Variants in AFF3 observed in about 807,000 individuals in gnomAD.
AFF3 encodes AF4/FMR2 family member 3.
AFF3 carries 32 observed loss-of-function variants against 129.7 expected under a neutral mutation model. The observed-to-expected ratio is 0.25, with a 90% CI of 0.19 to 0.33. The LOEUF (loss-of-function observed/expected upper bound fraction) is 0.33, where lower values mean the gene tolerates loss of function less well. AFF3 is among the 10% of genes least tolerant of loss of function. The pLI, the probability that AFF3 is intolerant of heterozygous loss-of-function variation, is 1.00. For missense variants in AFF3, 1,373 were observed against 1,592.0 expected (o/e 0.86, Z 2.34); for synonymous variants, 644 against 635.4 (o/e 1.01, Z -0.20).
At chr2:99,635,225 T>C (rs1370847428) in intron 13 of AFF3, among the ~76,000 whole-genome samples, 1 of 151,832 alleles carries the variant, frequency 6.6e-6, no homozygotes, top group African/African-American at 2.4e-5. Flanking sequence ...TACACATATC[T>C]ATGTATATGA....
At chr2:100,059,334 C>A (rs1687059879) in intron 4 of AFF3, among the ~76,000 whole-genome samples, 1 of 143,102 alleles carries the variant, frequency 7.0e-6, no homozygotes, top group Admixed American at 7.0e-5. Flanking sequence ...GGCAAATAAG[C>A]ACAGGAAAAG....
chr2:99,818,547 A>G (rs1443653081), intron 8 of AFF3, among the ~76,000 whole-genome samples: 1 of 152,210 alleles, frequency 6.6e-6, no homozygotes, highest in East Asian at 1.9e-4. Context: ...ATTTTAATTC[A>G]CAGTCCTTTC....
rs975049533 is a variant in AFF3 at position 99,950,405 on chromosome 2, G to A, written c.873+56227C>T. On this transcript the variant is annotated intron_variant, in intron 7 of 24. Coordinates refer to ENST00000672756, the MANE Select transcript of AFF3 (RefSeq NM_001386135.1). ...TGAATATGTGGTAGAGGTTCTAGGA[G>A]AGGAAGAATAAAAATACATGGGTTG... Among the ~76,000 whole-genome samples, 5 of 152,286 alleles carry A rather than the reference G, an allele frequency of 3.3e-5. No individual in the cohort carries two copies. The South Asian group carries it at 1.0e-3, about 32-fold the overall frequency.
chr2:100,129,722 T>A (rs935094185), intron 1 of AFF3, among the ~76,000 whole-genome samples: 1 of 152,228 alleles, frequency 6.6e-6, no homozygotes, highest in Non-Finnish European at 1.5e-5. Flanking sequence ...GCTTAGCATG[T>A]TCCCGGAACT....
At chr2:99,681,478 TG>T (rs1674520065) in intron 11 of AFF3, among the ~76,000 whole-genome samples, 1 of 152,242 alleles carries the variant, frequency 6.6e-6, no homozygotes, top group Non-Finnish European at 1.5e-5. Context: ...GAATGTTCCG[TG>T]TTCCCTCAAA....
intron 7 of AFF3, among the ~76,000 whole-genome samples, chr2:99,843,023 T>C (rs1199983264): frequency 6.6e-6 from 1 of 152,226 alleles, no homozygotes; most frequent in East Asian, 1.9e-4. Flanking sequence ...CTCAAGCATT[T>C]AGAAATTGTG....
At chr2:99,824,994 G>T (rs1051824086) in intron 8 of AFF3, among the ~76,000 whole-genome samples, 12 of 152,180 alleles carry the variant, frequency 7.9e-5, no homozygotes, top group Non-Finnish European at 1.8e-4. Flanking sequence ...AAAACAACAT[G>T]CAAATAAATA....
Position 100,083,456 on chromosome 2 carries a change from G to A in AFF3, c.53+20946C>T, listed in dbSNP as rs561329322. Among the ~76,000 whole-genome samples, 297 of 152,288 alleles carry A rather than the reference G, an allele frequency of 2.0e-3. 5 individuals are homozygous for A. The highest frequency in any genetic ancestry group is 6.9e-3 in the African/African-American group (287 of 41,550). ...CAGGCAGTCAAGAAGGGACTCCACA[G>A]TGTCTTCACAATCACCGCACTTCTG... On this transcript the variant is annotated intron_variant, in intron 4 of 24. Transcript: ENST00000672756.
At chr2:99,826,671 T>C (rs1688104470) in intron 8 of AFF3, among the ~76,000 whole-genome samples, 1 of 151,228 alleles carries the variant, frequency 6.6e-6, no homozygotes, top group East Asian at 2.0e-4. Flanking sequence ...CAGCATGGAG[T>C]GTGAGGGGCA....
chr2:99,775,271 TGCTATTA>T (rs1487699615), intron 8 of AFF3, among the ~76,000 whole-genome samples: 5 of 151,626 alleles, frequency 3.3e-5, no homozygotes, highest in African/African-American at 9.7e-5. Flanking sequence ...TCTATTGTAG[TGCTATTA>T]GCAATAGAAA....
intron 10 of AFF3, among the ~76,000 whole-genome samples, chr2:99,736,414 C>T (rs1042751299): frequency 2.6e-5 from 4 of 152,064 alleles, no homozygotes; most frequent in Non-Finnish European, 5.9e-5. Context: ...TCAGAATAAA[C>T]ATATCATGCT....
At chr2:100,008,102 T>C (rs1233069547) in intron 5 of AFF3, among the ~76,000 whole-genome samples, 1 of 152,214 alleles carries the variant, frequency 6.6e-6, no homozygotes, top group Non-Finnish European at 1.5e-5. Context: ...AGTCTTTCTA[T>C]GATTGGATTG....
chr2:99,689,295 G>T (rs2104637004), intron 11 of AFF3, among the ~76,000 whole-genome samples: 1 of 152,236 alleles, frequency 6.6e-6, no homozygotes. Context: ...GACTGCAGCT[G>T]CTGCCTGGTC....
chr2:99,615,766 C>G (rs1313388418), intron 13 of AFF3, among the ~76,000 whole-genome samples: 3 of 152,218 alleles, frequency 2.0e-5, no homozygotes, highest in Admixed American at 6.5e-5. Flanking sequence ...CTCCAGCTGC[C>G]AAGAGTGAGC....
intron 2 of AFF3, among the ~76,000 whole-genome samples, chr2:100,118,036 A>G (rs1691796772): frequency 6.6e-6 from 1 of 152,094 alleles, no homozygotes; most frequent in Non-Finnish European, 1.5e-5. Flanking sequence ...CACCACCTCC[A>G]AAACCAGGGA....
chr2:99,758,097 A>G (rs1228378594), intron 8 of AFF3, among the ~76,000 whole-genome samples: 1 of 152,154 alleles, frequency 6.6e-6, no homozygotes, highest in Non-Finnish European at 1.5e-5. Flanking sequence ...TCAGCAGTGA[A>G]TCTCTGCAGT....
intron 4 of AFF3, among the ~76,000 whole-genome samples, chr2:100,095,416 G>C (rs1402576614): frequency 1.3e-5 from 2 of 152,108 alleles, no homozygotes; most frequent in Admixed American, 1.3e-4. Context: ...GGACTATGAC[G>C]TATTAAGGCA....
At chr2:100,138,911 C>T (rs553940361) in intron 1 of AFF3, among the ~76,000 whole-genome samples, 116 of 147,076 alleles carry the variant, frequency 7.9e-4, no homozygotes, top group Non-Finnish European at 5.8e-4. Context: ...TGGCACTGCT[C>T]TCCAGCCTGG....
rs1674097529 is a variant in AFF3 at position 99,547,019 on chromosome 2, C to G, written c.*4455G>C. ...GGAAATAGCAAAGACAAATAGTAAA[C>G]TATAGTTATAATGAAGAAAAACATA... On this transcript the variant is annotated 3_prime_UTR_variant, in exon 25 of 25. Transcript: ENST00000672756. The G allele has an allele frequency of 4.6e-6, 1 of 218,994 alleles. No homozygotes were observed. Among genetic ancestry groups the G allele is most frequent in the South Asian group, 1.8e-4 (1 of 5,410 alleles). 13.6% of individuals were successfully genotyped at this position (218,994 alleles called of 1,614,324 possible).
Sources: gnomAD v4.1 joint callset for allele counts (sites outside exome capture counted in the v4.1 genomes callset) on GRCh38, gnomAD v4.1.1 for gene constraint, MANE v1.5 for transcripts, NCBI Gene and HGNC (gene_info 2026-07-23, HGNC 2026-07-21) for gene names.